Variants in TBC1D5 observed in about 807,000 individuals in gnomAD.
TBC1D5 encodes TBC1 domain family, member 5.
A neutral mutation model predicts 100.3 loss-of-function variants in TBC1D5; 75 were observed. The ratio of observed to expected loss-of-function variants is 0.75; its 90% confidence interval spans 0.62 to 0.91. TBC1D5 has a LOEUF of 0.91. TBC1D5 is among the 40% of genes least tolerant of loss of function. TBC1D5 has a pLI of 0.00. For synonymous variants in TBC1D5, 323 were observed against 325.6 expected (o/e 0.99, Z 0.09); for missense variants, 910 against 942.4 (o/e 0.97, Z 0.45).
At chr3:17,234,763 T>TA (rs1289414080) in intron 17 of TBC1D5, among the ~76,000 whole-genome samples, 3 of 152,062 alleles carry the variant, frequency 2.0e-5, no homozygotes, top group South Asian at 2.1e-4. Context: ...TATACAGTAG[T>TA]AAAAAAAATC....
At chr3:17,379,246 G>C (rs1458199585) in intron 9 of TBC1D5, among the ~76,000 whole-genome samples, 1 of 151,896 alleles carries the variant, frequency 6.6e-6, no homozygotes, top group African/African-American at 2.4e-5. Context: ...AAGAACATCA[G>C]ATTTTCCAAT....
At chr3:17,166,689 T>C in intron 21 of TBC1D5, 78 bp downstream of exon 22, 1 of 1,533,872 alleles carries the variant, frequency 6.5e-7, no homozygotes, top group Non-Finnish European at 8.8e-7. Flanking sequence ...TTTGGTAGGG[T>C]GTATTCTTAA....
intron 19 of TBC1D5, among the ~76,000 whole-genome samples, chr3:17,179,104 A>G (rs2068143492): frequency 6.6e-6 from 1 of 152,180 alleles, no homozygotes; most frequent in Non-Finnish European, 1.5e-5. Flanking sequence ...CGTGCCTCCA[A>G]CATCAGACTC....
At chr3:17,207,511 A>C (rs2072367100) in intron 18 of TBC1D5, among the ~76,000 whole-genome samples, 1 of 152,234 alleles carries the variant, frequency 6.6e-6, no homozygotes, top group Non-Finnish European at 1.5e-5. Context: ...GATGTCTTTT[A>C]TAAAAATCTG....
chr3:17,399,046 G>A (rs2093581248), intron 8 of TBC1D5, among the ~76,000 whole-genome samples: 1 of 152,114 alleles, frequency 6.6e-6, no homozygotes, highest in Admixed American at 6.6e-5. Flanking sequence ...ACAGGAAGCA[G>A]AGGGAAGCAG....
chr3:17,273,256 C>T (rs867631736), intron 15 of TBC1D5, among the ~76,000 whole-genome samples: 2 of 152,210 alleles, frequency 1.3e-5, no homozygotes, highest in African/African-American at 4.8e-5. Context: ...CTTCTCCATA[C>T]ACTCCTTCTT....
At chr3:17,465,298 G>A in intron 3 of TBC1D5, 1 of 168,886 alleles carries the variant, frequency 5.9e-6, no homozygotes. Flanking sequence ...TGTCATGAGG[G>A]AGAGGGGAAC....
At chr3:17,175,508 T>C (rs181087260) in intron 19 of TBC1D5, among the ~76,000 whole-genome samples, 1 of 152,346 alleles carries the variant, frequency 6.6e-6, no homozygotes, top group African/African-American at 2.4e-5. Context: ...AAGGAGACTT[T>C]ACACATATTT....
intron 16 of TBC1D5, among the ~76,000 whole-genome samples, chr3:17,255,325 C>T (rs1450349252): frequency 6.6e-6 from 1 of 152,034 alleles, no homozygotes; most frequent in Non-Finnish European, 1.5e-5. Context: ...CTCAGCCTCC[C>T]GAGTAGCTGG....
chr3:17,668,337 G>A (rs1046006021), intron 1 of TBC1D5, among the ~76,000 whole-genome samples: 1 of 151,754 alleles, frequency 6.6e-6, no homozygotes, highest in Non-Finnish European at 1.5e-5. Context: ...TACCCGCTTA[G>A]ATTTTCAAAA....
chr3:17,598,007 C>CA (rs1553869973), intron 2 of TBC1D5, among the ~76,000 whole-genome samples: 5 of 150,708 alleles, frequency 3.3e-5, no homozygotes, highest in Admixed American at 6.6e-5. Flanking sequence ...CCTGCCCCCC[C>CA]GCCCCCCAAC....
At chr3:17,723,797 G>C (rs1471249394) in intron 1 of TBC1D5, among the ~76,000 whole-genome samples, 2 of 152,038 alleles carry the variant, frequency 1.3e-5, no homozygotes, top group Non-Finnish European at 2.9e-5. Flanking sequence ...GCAGTAAACA[G>C]TAAGCTATTA....
intron 14 of TBC1D5, among the ~76,000 whole-genome samples, chr3:17,300,654 C>T (rs1187437319): frequency 2.0e-5 from 3 of 152,106 alleles, no homozygotes; most frequent in East Asian, 1.9e-4. Flanking sequence ...AACATGCTTA[C>T]GCTGGCTGAA....
chr3:17,393,301 C>G (rs1414298476), intron 8 of TBC1D5, among the ~76,000 whole-genome samples: 1 of 151,944 alleles, frequency 6.6e-6, no homozygotes, highest in African/African-American at 2.4e-5. Flanking sequence ...GAACTACAAA[C>G]CACTGCTCAA....
chr3:17,659,186 G>T (rs537335407), intron 1 of TBC1D5, among the ~76,000 whole-genome samples: 1 of 152,104 alleles, frequency 6.6e-6, no homozygotes, highest in Non-Finnish European at 1.5e-5. Context: ...ATCCCTACTT[G>T]GGAATACTAT....
At chr3:17,483,196 T>G (rs1426941406) in intron 3 of TBC1D5, among the ~76,000 whole-genome samples, 1 of 152,166 alleles carries the variant, frequency 6.6e-6, no homozygotes, top group Non-Finnish European at 1.5e-5. Flanking sequence ...AACTTTAATA[T>G]AACAGCCATC....
intron 2 of TBC1D5, among the ~76,000 whole-genome samples, chr3:17,611,644 T>A (rs2061676014): frequency 6.6e-6 from 1 of 152,178 alleles, no homozygotes; most frequent in African/African-American, 2.4e-5. Context: ...AATAGCAACT[T>A]TAGTTGGCAC....
At chr3:17,605,125 T>C (rs911624789) in intron 2 of TBC1D5, among the ~76,000 whole-genome samples, 5 of 152,224 alleles carry the variant, frequency 3.3e-5, no homozygotes, top group Non-Finnish European at 7.3e-5. Flanking sequence ...ACAAAGCAGC[T>C]AGGCTGCATT....
At chr3:17,424,046 GA>G (rs149592667) in intron 4 of TBC1D5, among the ~76,000 whole-genome samples, 13,837 of 149,244 alleles carry the variant, frequency 0.093, 1,421 homozygotes, top group African/African-American at 0.26. Context: ...TTAAAAATCT[GA>G]AAAAAAAAGC....
Sources: allele counts gnomAD v4.1 joint callset (sites outside exome capture counted in the v4.1 genomes callset), GRCh38; gene constraint gnomAD v4.1.1; transcripts MANE v1.5; gene names NCBI Gene and HGNC (gene_info 2026-07-23, HGNC 2026-07-21).